Variants in SLC71A2 observed in about 807,000 individuals in gnomAD.
SLC71A2 encodes solute carrier family 71 member 2, also known as hippocampus abundant transcript-like 1.
chr9:94,436,249 C>T, the SLC71A2 span, among the ~76,000 whole-genome samples: 1 of 152,152 alleles, frequency 6.6e-6, no homozygotes, highest in Non-Finnish European at 1.5e-5. Flanking sequence ...GAGATTTAAA[C>T]TAGTTGCATG....
At chr9:94,458,558 A>G in the SLC71A2 span, 5 of 1,203,952 alleles carry the variant, frequency 4.2e-6, no homozygotes, top group Admixed American at 2.0e-5. Flanking sequence ...TCTTTCTTGT[A>G]TGTTACTATA....
the SLC71A2 span, among the ~76,000 whole-genome samples, chr9:94,450,905 T>G: frequency 6.6e-6 from 1 of 152,222 alleles, no homozygotes; most frequent in Non-Finnish European, 1.5e-5. Flanking sequence ...TTTGGCTGCT[T>G]ATTAGAATCA....
the SLC71A2 span, chr9:94,459,424 AGTGGGATTCTGC>A: frequency 7.4e-6 from 12 of 1,612,774 alleles, no homozygotes; most frequent in Admixed American, 1.0e-4. Context: ...CTCGGCAGAA[AGTGGGATTCTGC>A]ATACGCCATC....
chr9:94,446,626 A>G, the SLC71A2 span, among the ~76,000 whole-genome samples: 3 of 151,934 alleles, frequency 2.0e-5, no homozygotes, highest in Admixed American at 2.0e-4. Context: ...TTTTTTAGCT[A>G]TATGATTTGA....
the SLC71A2 span, among the ~76,000 whole-genome samples, chr9:94,408,905 G>T: frequency 2.0e-5 from 3 of 148,630 alleles, no homozygotes; most frequent in African/African-American, 7.5e-5. Flanking sequence ...CTCACTGCAA[G>T]CTCCCCTGCC....
chr9:94,456,485 G>A, the SLC71A2 span: 2 of 606,848 alleles, frequency 3.3e-6, no homozygotes, highest in African/African-American at 3.7e-5. Flanking sequence ...TGGCAGATAG[G>A]AACATTCTAT....
At chr9:94,456,212 C>G in the SLC71A2 span, 2 of 1,572,720 alleles carry the variant, frequency 1.3e-6, no homozygotes, top group South Asian at 2.2e-5. Context: ...TGACCTGCTG[C>G]CTGACTGTGC....
At chr9:94,460,083 T>TA in the SLC71A2 span, 1 of 152,378 alleles carries the variant, frequency 6.6e-6, no homozygotes, top group South Asian at 2.1e-4. Context: ...ATTACAAACT[T>TA]AAATCATGTA....
the SLC71A2 span, among the ~76,000 whole-genome samples, chr9:94,388,398 C>G: frequency 2.0e-5 from 3 of 152,164 alleles, no homozygotes; most frequent in Non-Finnish European, 2.9e-5. Context: ...CTGGCAATCA[C>G]TCTTCAAGGA....
the SLC71A2 span, among the ~76,000 whole-genome samples, chr9:94,448,825 G>GT: frequency 1.1e-4 from 16 of 152,090 alleles, no homozygotes; most frequent in Non-Finnish European, 1.0e-4. Flanking sequence ...TAGAGACAGG[G>GT]TTTTACCATG....
chr9:94,448,688 A>G, the SLC71A2 span, among the ~76,000 whole-genome samples: 7 of 152,212 alleles, frequency 4.6e-5, no homozygotes, highest in Non-Finnish European at 8.8e-5. Context: ...GCTGGAGTGC[A>G]ATGGCGTGAT....
At chr9:94,401,166 CT>C in the SLC71A2 span, among the ~76,000 whole-genome samples, 12 of 151,814 alleles carry the variant, frequency 7.9e-5, no homozygotes, top group African/African-American at 2.9e-4. Context: ...CAAACACAGG[CT>C]AATTTTTTTG....
chr9:94,439,321 T>C, the SLC71A2 span, among the ~76,000 whole-genome samples: 3 of 151,784 alleles, frequency 2.0e-5, no homozygotes, highest in African/African-American at 7.3e-5. Flanking sequence ...TTTTTTTTTT[T>C]TTTCTTTGTA....
At chr9:94,430,342 T>G in the SLC71A2 span, among the ~76,000 whole-genome samples, 1 of 151,918 alleles carries the variant, frequency 6.6e-6, no homozygotes, top group African/African-American at 2.4e-5. Flanking sequence ...CCTGCCTTAG[T>G]CTTCTGAGTA....
chr9:94,419,464 T>TTTTTTG, the SLC71A2 span, among the ~76,000 whole-genome samples: 1 of 151,844 alleles, frequency 6.6e-6, no homozygotes, highest in African/African-American at 2.4e-5. Flanking sequence ...TGGCTCTTTT[T>TTTTTTG]TTTTGTTTTG....
chr9:94,437,969 C>G, the SLC71A2 span, among the ~76,000 whole-genome samples: 1 of 151,426 alleles, frequency 6.6e-6, no homozygotes, highest in African/African-American at 2.4e-5. Context: ...GCTCTTGTTG[C>G]CCAGCCTAGA....
chr9:94,423,698 A>G, the SLC71A2 span, among the ~76,000 whole-genome samples: 12 of 152,234 alleles, frequency 7.9e-5, no homozygotes, highest in Non-Finnish European at 1.8e-4. Flanking sequence ...TGTCCTAAAT[A>G]TCACTGAAAT....
the SLC71A2 span, among the ~76,000 whole-genome samples, chr9:94,382,732 CCACTGCAATCTCCAGCT>C: frequency 2.6e-5 from 4 of 152,098 alleles, no homozygotes; most frequent in East Asian, 1.9e-4. Flanking sequence ...CAATCTCTGC[CCACTGCAATCTCCAGCT>C]CACTGCAATC....
chr9:94,432,378 T>A, the SLC71A2 span, among the ~76,000 whole-genome samples: 2 of 151,396 alleles, frequency 1.3e-5, no homozygotes, highest in African/African-American at 4.8e-5. Context: ...TGCATGCCTG[T>A]AACCCCAGCT....
Sources: gnomAD v4.1 joint callset for allele counts (sites outside exome capture counted in the v4.1 genomes callset) on GRCh38, gnomAD v4.1.1 for gene constraint, MANE v1.5 for transcripts, NCBI Gene and HGNC (gene_info 2026-07-23, HGNC 2026-07-21) for gene names.